L3MBTL3: variants seen among roughly 807,000 people sequenced by gnomAD.
The protein encoded by L3MBTL3 is L3MBTL histone methyl-lysine binding protein 3.
In L3MBTL3, 27 loss-of-function variants were observed where a neutral mutation model predicts 102.3. The observed-to-expected ratio is 0.26, with a 90% CI of 0.19 to 0.36. L3MBTL3 has a LOEUF of 0.36. Ranked by LOEUF, L3MBTL3 falls within the 10% of genes least tolerant of loss-of-function variation. The probability of loss-of-function intolerance (pLI) is 1.00; values close to 1 mark genes in which losing one functional copy is unlikely to be tolerated. For synonymous variants in L3MBTL3, 340 were observed against 320.9 expected, an observed-to-expected ratio of 1.06 and a Z score of -0.64; for missense variants, 798 against 955.3, an observed-to-expected ratio of 0.84 and a Z score of 2.17.
chr6:130,052,020 G>T (rs1055599528), intron 6 of L3MBTL3, among the ~76,000 whole-genome samples: 4 of 152,132 alleles, frequency 2.6e-5, no homozygotes, highest in African/African-American at 7.2e-5. Flanking sequence ...GCATATCATT[G>T]TATACTACAA....
At chr6:130,130,850 T>C (rs1369766590) in intron 20 of L3MBTL3, among the ~76,000 whole-genome samples, 2 of 152,218 alleles carry the variant, frequency 1.3e-5, no homozygotes, top group African/African-American at 4.8e-5. Flanking sequence ...TCCAGTAAAA[T>C]AGATTTTTGA....
chr6:130,047,364 G>A (rs571614686), intron 3 of L3MBTL3, among the ~76,000 whole-genome samples: 18 of 152,270 alleles, frequency 1.2e-4, no homozygotes, highest in African/African-American at 3.9e-4. Context: ...AGGTTGCATC[G>A]TGGGAATCGT....
At chr6:130,058,569 C>T (rs1416581465) in intron 9 of L3MBTL3, among the ~76,000 whole-genome samples, 2 of 152,054 alleles carry the variant, frequency 1.3e-5, no homozygotes, top group African/African-American at 2.4e-5. Context: ...GACAACAGAG[C>T]AAGACCCTGT....
chr6:130,066,668 A>C (rs962483507), intron 11 of L3MBTL3, among the ~76,000 whole-genome samples, 180 bp downstream of exon 11: 23 of 152,226 alleles, frequency 1.5e-4, no homozygotes, highest in African/African-American at 4.8e-4. Flanking sequence ...AATCCAGCCT[A>C]GGAAAATAAA....
chr6:130,079,785 GAGT>G, intron 14 of L3MBTL3, among the ~76,000 whole-genome samples: 3 of 152,278 alleles, frequency 2.0e-5, no homozygotes, highest in African/African-American at 7.2e-5. Context: ...GTCTCACTTA[GAGT>G]GTCTGATCAT....
intron 16 of L3MBTL3, among the ~76,000 whole-genome samples, chr6:130,089,451 TAA>T (rs560904565): frequency 0.04 from 6,142 of 152,246 alleles, 412 homozygotes; most frequent in African/African-American, 0.14. Flanking sequence ...CACATTTTCT[TAA>T]TCCAGTCTAT....
intron 3 of L3MBTL3, among the ~76,000 whole-genome samples, chr6:130,046,193 G>C (rs1780714671): frequency 6.6e-6 from 1 of 152,122 alleles, no homozygotes; most frequent in South Asian, 2.1e-4. Context: ...CTCCTGAGAG[G>C]ACAGCATCTT....
In L3MBTL3 at chr6:130,101,847, G is replaced by A. The variant is rs184038923; in HGVS notation, c.1737-2579G>A. On this transcript the variant is annotated intron_variant, in intron 18 of 22. Coordinates refer to ENST00000361794, the MANE Select transcript of L3MBTL3 (RefSeq NM_032438.4). ...TCCATGAACTCTGAATTAGGATCCC[G>A]TGAAACATATAAAGAGACATCATAG... Among the ~76,000 whole-genome samples, 14 of 152,282 alleles carry A rather than the reference G, an allele frequency of 9.2e-5. No individual in the cohort carries two copies. The East Asian group carries it at 2.1e-3, about 23-fold the overall frequency.
chr6:130,128,181 G>T (rs1461411467), intron 20 of L3MBTL3, among the ~76,000 whole-genome samples: 1 of 152,104 alleles, frequency 6.6e-6, no homozygotes, highest in Non-Finnish European at 1.5e-5. Context: ...GTAAACTTTA[G>T]TAGTGATTAG....
At chr6:130,119,013 A>G (rs1582612917) in intron 19 of L3MBTL3, among the ~76,000 whole-genome samples, 1 of 152,324 alleles carries the variant, frequency 6.6e-6, no homozygotes, top group East Asian at 1.9e-4. Flanking sequence ...CTTTATTTTA[A>G]CAAAGCTTAT....
chr6:130,065,087 G>C (rs543651530), intron 10 of L3MBTL3, among the ~76,000 whole-genome samples: 3 of 152,182 alleles, frequency 2.0e-5, no homozygotes, highest in Non-Finnish European at 4.4e-5. Flanking sequence ...TGTTCTCTCT[G>C]GGGGGAGTCA....
chr6:130,108,904 T>A (rs946140508), intron 19 of L3MBTL3, among the ~76,000 whole-genome samples: 3 of 151,970 alleles, frequency 2.0e-5, no homozygotes, highest in Non-Finnish European at 4.4e-5. Context: ...CCCCTCCCTG[T>A]TTCCGTGTGT....
intron 16 of L3MBTL3, among the ~76,000 whole-genome samples, chr6:130,088,936 A>G (rs151080880): frequency 5.3e-5 from 8 of 151,786 alleles, no homozygotes; most frequent in African/African-American, 7.2e-5. Flanking sequence ...CCTTGTGACT[A>G]TTTTTTTGGG....
chr6:130,125,597 A>G (rs888978543), intron 20 of L3MBTL3, among the ~76,000 whole-genome samples: 5 of 152,174 alleles, frequency 3.3e-5, no homozygotes, highest in African/African-American at 1.2e-4. Context: ...TTCCTCTTTC[A>G]AACCCAAGGC....
chr6:130,103,598 G>C (rs550385023), intron 18 of L3MBTL3, among the ~76,000 whole-genome samples: 39 of 152,340 alleles, frequency 2.6e-4, no homozygotes, highest in Non-Finnish European at 5.1e-4. Context: ...CCCAAAAGCA[G>C]AGAGGCAAGA....
chr6:130,121,058 G>A, intron 20 of L3MBTL3, 100 bp downstream of exon 20: 1 of 769,834 alleles, frequency 1.3e-6, no homozygotes, highest in Non-Finnish European at 2.1e-6. Flanking sequence ...TGTTAAAAAT[G>A]AATTTTATTT....
chr6:130,041,150 CT>C (rs1780398950), intron 2 of L3MBTL3, among the ~76,000 whole-genome samples: 1 of 152,202 alleles, frequency 6.6e-6, no homozygotes, highest in Non-Finnish European at 1.5e-5. Context: ...TAAAGAATTT[CT>C]GGTAATCTGG....
At chr6:130,069,694 C>G (rs1407175109) in intron 12 of L3MBTL3, among the ~76,000 whole-genome samples, 1 of 152,218 alleles carries the variant, frequency 6.6e-6, no homozygotes, top group African/African-American at 2.4e-5. Flanking sequence ...TTCCTAATCC[C>G]TGTCTGGTTC....
At chr6:130,130,776 A>G (rs1244501626) in intron 20 of L3MBTL3, among the ~76,000 whole-genome samples, 1 of 152,198 alleles carries the variant, frequency 6.6e-6, no homozygotes, top group Non-Finnish European at 1.5e-5. Context: ...TTTCATGTGG[A>G]GCAGACACTA....
Sources: allele counts gnomAD v4.1 joint callset (sites outside exome capture counted in the v4.1 genomes callset), GRCh38; gene constraint gnomAD v4.1.1; transcripts MANE v1.5; gene names NCBI Gene and HGNC (gene_info 2026-07-23, HGNC 2026-07-21).